The following LCOR variants were observed in gnomAD, a reference collection of about 807,000 sequenced individuals.
LCOR encodes ligand dependent nuclear receptor corepressor.
LCOR carries 14 observed loss-of-function variants against 64.4 expected under a neutral mutation model. The ratio of observed to expected loss-of-function variants is 0.22; its 90% confidence interval spans 0.14 to 0.34. LCOR has a LOEUF of 0.34. LCOR is among the 10% of genes least tolerant of loss of function. LCOR has a pLI of 1.00. For missense variants in LCOR, 1,686 were observed against 1,765.3 expected, an observed-to-expected ratio of 0.96 and a Z score of 0.80; for synonymous variants, 643 against 642.5, an observed-to-expected ratio of 1.00 and a Z score of -0.01.
chr10:96,900,011 T>A (rs909497490), intron 2 of LCOR, among the ~76,000 whole-genome samples: 3 of 152,156 alleles, frequency 2.0e-5, no homozygotes, highest in African/African-American at 7.2e-5. Flanking sequence ...TATGCAACCA[T>A]CACCACCATC....
intron 4 of LCOR, among the ~76,000 whole-genome samples, chr10:96,929,997 A>G (rs1483977398): frequency 6.6e-6 from 1 of 152,194 alleles, no homozygotes; most frequent in African/African-American, 2.4e-5. Context: ...AAAATAATTC[A>G]CTACAGTAAC....
intron 4 of LCOR, among the ~76,000 whole-genome samples, chr10:96,941,400 GC>G: frequency 6.9e-6 from 1 of 145,630 alleles, no homozygotes; most frequent in Non-Finnish European, 1.5e-5. Context: ...TGGGCGGCTG[GC>G]CGGGCAGGGG....
intron 4 of LCOR, among the ~76,000 whole-genome samples, chr10:96,938,184 C>T (rs907407279): frequency 3.9e-5 from 6 of 152,250 alleles, no homozygotes; most frequent in Admixed American, 2.0e-4. Context: ...GTCTCGAACT[C>T]CTGGGCTCAA....
At chr10:96,847,203 C>G (rs564224621) in intron 2 of LCOR, among the ~76,000 whole-genome samples, 1 of 151,960 alleles carries the variant, frequency 6.6e-6, no homozygotes, top group African/African-American at 2.4e-5. Context: ...ATGATCATGC[C>G]GCAGCACTCC....
Position 96,987,959 on chromosome 10 carries a change from G to A in LCOR, c.*2825G>A, listed in dbSNP as rs1486149982. On this transcript the variant is annotated 3_prime_UTR_variant, in exon 8 of 8. Transcript: ENST00000421806. ...CCCACATTCCGATCCAAATCAGAAA[G>A]GAATTCTCCTGGGTGTACACTCAGT... 1.3e-5 allele frequency: 2 copies of A among 152,228 alleles called. No individual in the cohort carries two copies. Among genetic ancestry groups the A allele is most frequent in the African/African-American group, 4.8e-5 (2 of 41,458 alleles). The allele number at this position is 152,228 out of a possible 1,614,324, so 9.4% of individuals were successfully genotyped here.
At chr10:96,902,619 A>T (rs1301206767) in intron 2 of LCOR, among the ~76,000 whole-genome samples, 1 of 152,192 alleles carries the variant, frequency 6.6e-6, no homozygotes, top group Non-Finnish European at 1.5e-5. Context: ...AATTATTACC[A>T]CAATTACTAT....
chr10:96,941,364 G>T (rs1847470338), intron 4 of LCOR, among the ~76,000 whole-genome samples: 1 of 142,276 alleles, frequency 7.0e-6, no homozygotes, highest in Admixed American at 6.8e-5. Context: ...GGGCGGCCGG[G>T]CAGAGGCGCC....
intron 2 of LCOR, among the ~76,000 whole-genome samples, chr10:96,878,175 C>G (rs1051855374): frequency 6.6e-6 from 1 of 152,160 alleles, no homozygotes; most frequent in African/African-American, 2.4e-5. Context: ...CACTTTTACT[C>G]TGAGCAAAAT....
chr10:96,938,120 A>C lies in LCOR; in HGVS notation c.-183-5993A>C, dbSNP rs572530116. 1.2e-4 allele frequency among the ~76,000 whole-genome samples: 18 copies of C among 151,142 alleles called. No homozygotes were observed. The South Asian group carries it at 2.9e-3, about 24-fold the overall frequency. On this transcript the variant is annotated intron_variant, in intron 4 of 7. Transcript: ENST00000421806. ...TGTGCACCACCATGCCCAGCTGTTA[A>C]TAATTTTTTAACTGATTTGTAGAGA...
At chr10:96,876,406 G>A (rs563474648) in intron 2 of LCOR, among the ~76,000 whole-genome samples, 1 of 152,250 alleles carries the variant, frequency 6.6e-6, no homozygotes, top group Non-Finnish European at 1.5e-5. Context: ...CTCAACACAT[G>A]AAATTTGGGG....
At chr10:96,905,273 C>T (rs549201145) in intron 2 of LCOR, among the ~76,000 whole-genome samples, 2 of 152,112 alleles carry the variant, frequency 1.3e-5, no homozygotes, top group African/African-American at 4.8e-5. Flanking sequence ...ACGCTCAGCC[C>T]GAAAATTTGG....
chr10:96,866,460 C>G (rs1308013282), intron 2 of LCOR, among the ~76,000 whole-genome samples: 1 of 152,166 alleles, frequency 6.6e-6, no homozygotes, highest in Admixed American at 6.5e-5. Context: ...CTGCTATAAA[C>G]ATTTTTGTAC....
intron 2 of LCOR, among the ~76,000 whole-genome samples, chr10:96,840,640 A>T (rs1445274543): frequency 1.3e-5 from 2 of 152,230 alleles, no homozygotes; most frequent in Admixed American, 1.3e-4. Context: ...AGAAAAATAG[A>T]GATGGGGTCT....
intron 2 of LCOR, among the ~76,000 whole-genome samples, chr10:96,883,495 T>C (rs1846296059): frequency 6.6e-6 from 1 of 152,248 alleles, no homozygotes; most frequent in Admixed American, 6.5e-5. Flanking sequence ...TGTTGCCCCA[T>C]GTTTTCACCA....
rs554330068 is a variant in LCOR, at chr10:96,921,525, A to G, written c.-184+13778A>G. On this transcript the variant is annotated intron_variant, in intron 4 of 7. Transcript: ENST00000421806. ...CTCCCAGGCTGGAGTACAGTGGCACAATCTTGGCTCACCACAACCTCCGCA... is the reference window on the plus strand; with the variant it reads ...CTCCCAGGCTGGAGTACAGTGGCACGATCTTGGCTCACCACAACCTCCGCA... 5.8e-4 allele frequency among the ~76,000 whole-genome samples: 89 copies of G among 152,230 alleles called. 2 individuals are homozygous for G. The South Asian group carries it at 7.1e-3, about 12-fold the overall frequency.
At chr10:96,934,613 T>C (rs147466848) in intron 4 of LCOR, among the ~76,000 whole-genome samples, 2,613 of 152,204 alleles carry the variant, frequency 0.017, 70 homozygotes, top group African/African-American at 0.058. Flanking sequence ...TTTTTATTTA[T>C]TTTTTTAAGA....
At chr10:96,932,552 C>T (rs1447973428) in intron 4 of LCOR, among the ~76,000 whole-genome samples, 1 of 152,150 alleles carries the variant, frequency 6.6e-6, no homozygotes, top group Admixed American at 6.5e-5. Flanking sequence ...CAACCTCCGC[C>T]TCCCGGGTTC....
At chr10:96,845,147 A>G (rs193001946) in intron 2 of LCOR, among the ~76,000 whole-genome samples, 2 of 152,204 alleles carry the variant, frequency 1.3e-5, no homozygotes, top group Non-Finnish European at 2.9e-5. Flanking sequence ...ATCAACTTAA[A>G]AAAAGATGAT....
chr10:96,895,186 T>G (rs1846516351), intron 2 of LCOR, among the ~76,000 whole-genome samples: 1 of 152,216 alleles, frequency 6.6e-6, no homozygotes, highest in Non-Finnish European at 1.5e-5. Flanking sequence ...TAGATCTACT[T>G]TGATTTCTAA....
Sources: allele counts gnomAD v4.1 joint callset (sites outside exome capture counted in the v4.1 genomes callset), GRCh38; gene constraint gnomAD v4.1.1; transcripts MANE v1.5; gene names NCBI Gene and HGNC (gene_info 2026-07-23, HGNC 2026-07-21).